Variants in ATRN observed in about 807,000 individuals in gnomAD.
ATRN encodes the protein attractin.
A neutral mutation model predicts 178.7 loss-of-function variants in ATRN; 54 were observed. The observed-to-expected ratio is 0.30, with a 90% CI of 0.24 to 0.38. The LOEUF (loss-of-function observed/expected upper bound fraction) is 0.38. Among genes scored for constraint, ATRN ranks in the 10% least tolerant of loss-of-function variants. The pLI is 1.00. For missense variants in ATRN, 1,443 were observed against 1,815.1 expected, an observed-to-expected ratio of 0.79 and a Z score of 3.73; for synonymous variants, 636 against 663.0, an observed-to-expected ratio of 0.96 and a Z score of 0.63.
intron 12 of ATRN, among the ~76,000 whole-genome samples, chr20:3,573,482 G>A (rs1195180243): frequency 6.6e-6 from 1 of 152,166 alleles, no homozygotes; most frequent in Non-Finnish European, 1.5e-5. Flanking sequence ...GCCCAGAAAA[G>A]CCATGTTGAA....
At chr20:3,532,798 T>C (rs1358524744) in intron 1 of ATRN, among the ~76,000 whole-genome samples, 1 of 152,002 alleles carries the variant, frequency 6.6e-6, no homozygotes, top group Non-Finnish European at 1.5e-5. Context: ...AGTCTCACTC[T>C]GTCGCCCAGG....
At chr20:3,505,508 T>C (rs776233372) in intron 1 of ATRN, among the ~76,000 whole-genome samples, 24 of 152,222 alleles carry the variant, frequency 1.6e-4, no homozygotes, top group Non-Finnish European at 3.4e-4. Flanking sequence ...CTCTCCCATA[T>C]ACCCAATTTG....
At chr20:3,528,868 A>T (rs888142885) in intron 1 of ATRN, among the ~76,000 whole-genome samples, 1 of 152,156 alleles carries the variant, frequency 6.6e-6, no homozygotes, top group Non-Finnish European at 1.5e-5. Flanking sequence ...GCTGCAGTAC[A>T]GTGGCACCAT....
chr20:3,519,017 A>G (rs946914519), intron 1 of ATRN, among the ~76,000 whole-genome samples: 10 of 148,798 alleles, frequency 6.7e-5, no homozygotes, highest in Middle Eastern at 3.2e-3. Context: ...AAAAAAAAAA[A>G]AAAGAAAGAA....
chr20:3,535,585 G>A (rs977338410), intron 2 of ATRN, among the ~76,000 whole-genome samples: 6 of 116,896 alleles, frequency 5.1e-5, no homozygotes, highest in East Asian at 4.6e-4. Context: ...GTTCAGAAAC[G>A]GTTACACACA....
intron 16 of ATRN, 27 bp downstream of exon 16, chr20:3,582,381 A>T: frequency 6.2e-7 from 1 of 1,600,804 alleles, no homozygotes; most frequent in Non-Finnish European, 8.5e-7. Flanking sequence ...ATTAGGTGGT[A>T]TTCAGAGTTT....
At chr20:3,515,054 C>T (rs2085188621) in intron 1 of ATRN, among the ~76,000 whole-genome samples, 1 of 152,172 alleles carries the variant, frequency 6.6e-6, no homozygotes, top group Non-Finnish European at 1.5e-5. Flanking sequence ...ATACTGAAAG[C>T]TTTTCCCTGA....
intron 2 of ATRN, among the ~76,000 whole-genome samples, chr20:3,539,260 G>T (rs1002217582): frequency 1.3e-5 from 2 of 152,184 alleles, no homozygotes; most frequent in African/African-American, 2.4e-5. Context: ...AGAGTGAAGG[G>T]GTGAGTGAGA....
intron 23 of ATRN, among the ~76,000 whole-genome samples, chr20:3,601,882 A>AG (rs1343432980): frequency 2.0e-5 from 3 of 151,640 alleles, no homozygotes; most frequent in Non-Finnish European, 4.4e-5. Context: ...AAAAAAAAAA[A>AG]AAAAGAAAAA....
rs970208401 is a variant in ATRN at position 3,634,294 on chromosome 20, A to G, written c.3864-17A>G. On this transcript the variant is annotated splice_polypyrimidine_tract_variant and intron_variant, in intron 25 of 28. Transcript: ENST00000262919. ...CTGGGGGCTGGGATAATAACTCAGTACTTTCCTTTCTCACAGTTGTTTCCT... is the reference window on the plus strand; with the variant it reads ...CTGGGGGCTGGGATAATAACTCAGTGCTTTCCTTTCTCACAGTTGTTTCCT... The G allele has an allele frequency of 1.2e-6, 2 of 1,611,352 alleles. No individual in the cohort carries two copies. The highest frequency in any genetic ancestry group is 2.2e-5 in the East Asian group (1 of 44,874).
At chr20:3,475,440 C>G (rs1241659383) in intron 1 of ATRN, among the ~76,000 whole-genome samples, 1 of 151,942 alleles carries the variant, frequency 6.6e-6, no homozygotes, top group Non-Finnish European at 1.5e-5. Context: ...AACATTTTTT[C>G]TAAATAAAAG....
At position 3,520,902 on chromosome 20, in the gene ATRN, G is replaced by A. The variant is rs142523278; in HGVS notation, c.411-14351G>A. Among the ~76,000 whole-genome samples, 370 of 152,270 alleles carry A rather than the reference G, an allele frequency of 2.4e-3. 4 individuals are homozygous for A. Among genetic ancestry groups the A allele is most frequent in the African/African-American group, 8.7e-3 (360 of 41,542 alleles). On this transcript the variant is annotated intron_variant, in intron 1 of 28. Coordinates refer to ENST00000262919, the MANE Select transcript of ATRN (RefSeq NM_139321.3). ...TGGAAAGAACAAAATTAATATTTAG[G>A]TCATCTACTAAATGTGAATAAATTA...
rs1225741411 is a variant in ATRN, at chr20:3,650,352, G to A, written c.*3505G>A. 6.6e-6 allele frequency: 1 copy of A among 152,502 alleles called. No individual in the cohort carries two copies. The highest frequency in any genetic ancestry group is 1.5e-5 in the Non-Finnish European group (1 of 68,012). 9.4% of individuals were successfully genotyped at this position (152,502 alleles called of 1,614,324 possible). ...AAACACTAACTTAAGCTAATGCTAGGGTAGTGACTGAGATGTAAAAATAGA... is the reference window on the plus strand; with the variant it reads ...AAACACTAACTTAAGCTAATGCTAGAGTAGTGACTGAGATGTAAAAATAGA... On this transcript the variant is annotated 3_prime_UTR_variant, in exon 29 of 29. Transcript: ENST00000262919.
chr20:3,491,905 G>T (rs1286647909), intron 1 of ATRN, among the ~76,000 whole-genome samples: 1 of 152,086 alleles, frequency 6.6e-6, no homozygotes, highest in African/African-American at 2.4e-5. Flanking sequence ...CAAATAAAAG[G>T]TATCAGATGG....
At chr20:3,596,487 G>A in intron 21 of ATRN, 58 bp downstream of exon 21, 1 of 1,492,026 alleles carries the variant, frequency 6.7e-7, no homozygotes, top group Non-Finnish European at 9.3e-7. Flanking sequence ...AAACTTCATT[G>A]TTTAAACGGG....
At chr20:3,634,934 T>C (rs1421381362) in intron 26 of ATRN, among the ~76,000 whole-genome samples, 1 of 152,138 alleles carries the variant, frequency 6.6e-6, no homozygotes, top group African/African-American at 2.4e-5. Flanking sequence ...GCTGACAAAT[T>C]TAAATAAATA....
At chr20:3,566,904 C>CA (rs33920660) in intron 11 of ATRN, among the ~76,000 whole-genome samples, 4,948 of 86,328 alleles carry the variant, frequency 0.057, 669 homozygotes, top group African/African-American at 0.19. Flanking sequence ...GACTCCATCT[C>CA]AAAAAAAAAA....
chr20:3,608,870 G>A (rs1400893396), intron 24 of ATRN, among the ~76,000 whole-genome samples: 1 of 151,924 alleles, frequency 6.6e-6, no homozygotes, highest in Non-Finnish European at 1.5e-5. Context: ...GGGAGGCTGG[G>A]GCAGGAGAAT....
intron 27 of ATRN, among the ~76,000 whole-genome samples, chr20:3,642,733 T>C (rs1445091190): frequency 2.0e-5 from 3 of 152,212 alleles, no homozygotes; most frequent in African/African-American, 4.8e-5. Flanking sequence ...GTGGGTATAG[T>C]CAGCAGAATT....
Sources: allele counts gnomAD v4.1 joint callset (sites outside exome capture counted in the v4.1 genomes callset), GRCh38; gene constraint gnomAD v4.1.1; transcripts MANE v1.5; gene names NCBI Gene and HGNC (gene_info 2026-07-23, HGNC 2026-07-21).